The following RNF115 variants were observed in gnomAD, a reference collection of about 807,000 sequenced individuals.
The protein encoded by RNF115 is E3 ubiquitin-protein ligase RNF115.
Under a neutral mutation model 39.2 loss-of-function variants are expected in RNF115, and 31 were observed. That is an observed-to-expected ratio of 0.79 (90% CI 0.59 to 1.07). The LOEUF is 1.07. RNF115 is among the 50% of genes least tolerant of loss of function. RNF115 has a pLI of 0.00. For synonymous variants in RNF115, 124 were observed against 131.0 expected (o/e 0.95, Z 0.37); for missense variants, 384 against 381.7 (o/e 1.01, Z -0.05).
At chr1:145,749,148 C>T (rs1657986579) in intron 7 of RNF115, among the ~76,000 whole-genome samples, 1 of 152,136 alleles carries the variant, frequency 6.6e-6, no homozygotes, top group Non-Finnish European at 1.5e-5. Flanking sequence ...CTGGGATATG[C>T]TCCATGAACT....
chr1:145,807,684 G>A (rs1649518974), intron 1 of RNF115, among the ~76,000 whole-genome samples: 5 of 152,070 alleles, frequency 3.3e-5, no homozygotes. Flanking sequence ...TATGTGCTGG[G>A]AATATCTGAA....
chr1:145,803,863 A>G (rs758664621), intron 1 of RNF115, among the ~76,000 whole-genome samples: 18 of 152,346 alleles, frequency 1.2e-4, no homozygotes, highest in Non-Finnish European at 2.4e-4. Context: ...CAAGAAGCCA[A>G]ATTTTCTAAG....
intron 1 of RNF115, among the ~76,000 whole-genome samples, chr1:145,800,579 T>C (rs981261271): frequency 3.3e-5 from 5 of 152,136 alleles, no homozygotes; most frequent in Admixed American, 2.0e-4. Context: ...AGCAGCCACA[T>C]AAGTTTAGAC....
intron 4 of RNF115, among the ~76,000 whole-genome samples, chr1:145,769,043 CT>C (rs1318713298): frequency 6.6e-6 from 1 of 152,108 alleles, no homozygotes; most frequent in Non-Finnish European, 1.5e-5. Flanking sequence ...ATGCTTAAAT[CT>C]TTGGTTAAAA....
intron 1 of RNF115, among the ~76,000 whole-genome samples, chr1:145,791,561 A>C (rs1158836245): frequency 6.6e-6 from 1 of 152,078 alleles, no homozygotes; most frequent in Non-Finnish European, 1.5e-5. Context: ...TAACAGCATA[A>C]ATCAATTTGT....
intron 1 of RNF115, among the ~76,000 whole-genome samples, chr1:145,789,947 C>T (rs587724203): frequency 3.8e-3 from 581 of 151,978 alleles, no homozygotes; most frequent in Non-Finnish European, 6.2e-3. Flanking sequence ...ATCCACCCGC[C>T]TCGGCCTCCG....
In RNF115 at chr1:145,801,739, T is replaced by TG. The variant is rs1553720916; in HGVS notation, c.103-12774_103-12773insC. ...TCACAAAATCTTACCCCTCAGTAAC[T>TG]CATTTCTCTCTTTTTCAGTAACTCA... is the stretch of plus-strand genomic sequence containing the variant. On this transcript the variant is annotated intron_variant, in intron 1 of 8. Transcript: ENST00000582693. Among the ~76,000 whole-genome samples, 3 of 151,994 alleles carry TG rather than the reference T, an allele frequency of 2.0e-5. No individual in the cohort carries two copies. In the East Asian group the frequency reaches 5.8e-4, roughly 29 times the overall value.
chr1:145,751,312 C>T, intron 6 of RNF115, 126 bp downstream of exon 6: 1 of 650,980 alleles, frequency 1.5e-6, no homozygotes, highest in Non-Finnish European at 2.7e-6. Flanking sequence ...AAAATGGAAA[C>T]CCCAAAGCTC....
chr1:145,761,611 T>G (rs587682420), intron 4 of RNF115, among the ~76,000 whole-genome samples: 2 of 152,322 alleles, frequency 1.3e-5, no homozygotes, highest in Admixed American at 1.3e-4. Flanking sequence ...AGAAGATGTA[T>G]GGAAACACCC....
chr1:145,745,908 G>T lies in RNF115; in HGVS notation c.*958C>A, dbSNP rs1464390138. On this transcript the variant is annotated 3_prime_UTR_variant, in exon 9 of 9. Transcript: ENST00000582693. ...TGTTATGTAGGTTTCTTGGGAAACT[G>T]CATCAACTGAAGTAGTCTTTAAAAA... The T allele has an allele frequency of 6.6e-6, 1 of 151,720 alleles. No homozygotes were observed. The highest frequency in any genetic ancestry group is 1.5e-5 in the Non-Finnish European group (1 of 67,950). The allele number at this position is 151,720 out of a possible 1,614,324, so 9.4% of individuals were successfully genotyped here. A position where few individuals can be genotyped will look rare whatever the true frequency, so the allele number is the denominator to read the frequency against.
chr1:145,779,542 G>A (rs780411526), intron 3 of RNF115, among the ~76,000 whole-genome samples: 25 of 152,060 alleles, frequency 1.6e-4, no homozygotes, highest in Non-Finnish European at 2.6e-4. Flanking sequence ...AATTTTTAGA[G>A]GCAGAAATAC....
At chr1:145,802,140 G>A (rs1649275243) in intron 1 of RNF115, among the ~76,000 whole-genome samples, 1 of 152,084 alleles carries the variant, frequency 6.6e-6, no homozygotes, top group African/African-American at 2.4e-5. Context: ...AAAAACCTAA[G>A]TTACTTACCT....
intron 1 of RNF115, among the ~76,000 whole-genome samples, chr1:145,809,331 C>A (rs1334481079): frequency 6.6e-6 from 1 of 151,680 alleles, no homozygotes; most frequent in Non-Finnish European, 1.5e-5. Context: ...GGATTACAGG[C>A]ATGTGCCACC....
At chr1:145,811,355 CAAAAAA>C (rs71829191) in intron 1 of RNF115, among the ~76,000 whole-genome samples, 35 of 60,458 alleles carry the variant, frequency 5.8e-4, no homozygotes, top group South Asian at 1.2e-3. Context: ...CCATCACTAC[CAAAAAA>C]AAAAAAAAAA....
At chr1:145,803,744 T>A (rs1649347424) in intron 1 of RNF115, among the ~76,000 whole-genome samples, 1 of 152,190 alleles carries the variant, frequency 6.6e-6, no homozygotes, top group African/African-American at 2.4e-5. Flanking sequence ...CATTACAGAT[T>A]CCAAACAGGA....
At chr1:145,800,971 C>T (rs1264102150) in intron 1 of RNF115, among the ~76,000 whole-genome samples, 1 of 152,014 alleles carries the variant, frequency 6.6e-6, no homozygotes, top group Non-Finnish European at 1.5e-5. Context: ...GAGATCGAGA[C>T]CATCCTGGCT....
chr1:145,812,803 A>C (rs1227839070), intron 1 of RNF115, among the ~76,000 whole-genome samples: 20 of 151,694 alleles, frequency 1.3e-4, no homozygotes, highest in African/African-American at 4.8e-4. Context: ...ATTTTTTTTT[A>C]AGAGATGGGG....
chr1:145,812,417 G>C lies in RNF115; in HGVS notation c.102+11355C>G, dbSNP rs587676624. ...TAACACCTGTAATCCCAGCACTTTGGAAGGCCGAGGCAGGCGCATCACTTG... is the reference window on the plus strand; with the variant it reads ...TAACACCTGTAATCCCAGCACTTTGCAAGGCCGAGGCAGGCGCATCACTTG... On this transcript the variant is annotated intron_variant, in intron 1 of 8. Coordinates refer to ENST00000582693, the MANE Select transcript of RNF115 (RefSeq NM_014455.4). Among the ~76,000 whole-genome samples the C allele has an allele frequency of 1.6e-4, 24 of 150,998 alleles. 1 individual carries two copies. The South Asian group carries it at 4.2e-3, about 26-fold the overall frequency.
chr1:145,788,044 A>T (rs781987978), intron 2 of RNF115, among the ~76,000 whole-genome samples: 4 of 152,140 alleles, frequency 2.6e-5, no homozygotes, highest in Non-Finnish European at 4.4e-5. Context: ...ACAAACCCAT[A>T]TATTAATATC....
Sources: gnomAD v4.1 joint callset for allele counts (sites outside exome capture counted in the v4.1 genomes callset) on GRCh38, gnomAD v4.1.1 for gene constraint, MANE v1.5 for transcripts, NCBI Gene and HGNC (gene_info 2026-07-23, HGNC 2026-07-21) for gene names.